The following CACNB2 variants were observed in gnomAD, a reference collection of about 807,000 sequenced individuals.
CACNB2 encodes voltage-dependent L-type calcium channel subunit beta-2.
CACNB2 carries 42 observed loss-of-function variants against 73.3 expected under a neutral mutation model. That is an observed-to-expected ratio of 0.57 (90% CI 0.45 to 0.74). The LOEUF (loss-of-function observed/expected upper bound fraction) is 0.74. CACNB2 is among the 30% of genes least tolerant of loss of function. The probability of loss-of-function intolerance (pLI) is 0.00; values close to 1 mark genes in which losing one functional copy is unlikely to be tolerated. For synonymous variants in CACNB2, 348 were observed against 310.3 expected, an observed-to-expected ratio of 1.12 and a Z score of -1.28; for missense variants, 940 against 853.0, an observed-to-expected ratio of 1.10 and a Z score of -1.27.
intron 2 of CACNB2, among the ~76,000 whole-genome samples, chr10:18,174,453 G>C (rs1564316886): frequency 6.7e-6 from 1 of 148,884 alleles, no homozygotes; most frequent in Non-Finnish European, 1.5e-5. Context: ...GCCCAGGCTG[G>C]AGTGCAATGA....
chr10:18,321,481 G>T (rs564225710), intron 2 of CACNB2, among the ~76,000 whole-genome samples: 8 of 152,306 alleles, frequency 5.3e-5, no homozygotes, highest in Admixed American at 5.2e-4. Flanking sequence ...GCACAATAGG[G>T]TGACTATAGT....
At chr10:18,536,048 T>C (rs986988986) in intron 11 of CACNB2, 53 bp from the exon 12 acceptor site, 23 of 1,072,056 alleles carry the variant, frequency 2.1e-5, no homozygotes, top group Middle Eastern at 4.0e-4. Flanking sequence ...ATGTACCTTG[T>C]ACTTTACCTG....
chr10:18,234,470 C>T (rs1223450335), intron 2 of CACNB2, among the ~76,000 whole-genome samples: 2 of 152,024 alleles, frequency 1.3e-5, no homozygotes, highest in Admixed American at 6.6e-5. Flanking sequence ...TTCACAATAG[C>T]CAAAAAGATG....
intron 3 of CACNB2, among the ~76,000 whole-genome samples, chr10:18,416,825 G>A (rs1334346109): frequency 1.3e-5 from 2 of 152,278 alleles, no homozygotes; most frequent in South Asian, 2.1e-4. Context: ...AAGTAGGGAA[G>A]TGGAAGCAGA....
intron 2 of CACNB2, among the ~76,000 whole-genome samples, chr10:18,396,410 C>G (rs1394355773): frequency 1.3e-5 from 2 of 152,212 alleles, no homozygotes; most frequent in Non-Finnish European, 2.9e-5. Flanking sequence ...CTCCCTTCCC[C>G]CACAGACAAT....
chr10:18,257,533 T>A (rs1223761512), intron 2 of CACNB2, among the ~76,000 whole-genome samples: 2 of 152,198 alleles, frequency 1.3e-5, no homozygotes, highest in Non-Finnish European at 2.9e-5. Flanking sequence ...CAATTTGTTC[T>A]GTGTATGTTC....
intron 3 of CACNB2, among the ~76,000 whole-genome samples, chr10:18,430,742 C>T (rs937868171): frequency 3.9e-5 from 6 of 152,268 alleles, no homozygotes; most frequent in South Asian, 2.1e-4. Context: ...TGATACATTC[C>T]TAAAAAGAAA....
intron 2 of CACNB2, among the ~76,000 whole-genome samples, chr10:18,160,867 G>C (rs545238991): frequency 2.4e-4 from 37 of 152,068 alleles, no homozygotes; most frequent in South Asian, 2.1e-4. Flanking sequence ...CATTTTTGAG[G>C]GTTCAGTATT....
chr10:18,408,529 G>T (rs1411655551), intron 3 of CACNB2, among the ~76,000 whole-genome samples: 2 of 152,030 alleles, frequency 1.3e-5, no homozygotes, highest in Admixed American at 6.6e-5. Flanking sequence ...ATGAGCCACT[G>T]TGCCTGGCCA....
intron 2 of CACNB2, among the ~76,000 whole-genome samples, chr10:18,302,561 T>C (rs1321823094): frequency 6.6e-6 from 1 of 152,174 alleles, no homozygotes; most frequent in African/African-American, 2.4e-5. Context: ...CTGGATGGGA[T>C]TGGATACTGT....
In CACNB2 at chr10:18,436,979, C is replaced by A. The variant is rs537490307; in HGVS notation, c.333+34936C>A. On this transcript the variant is annotated intron_variant, in intron 3 of 13. Coordinates refer to ENST00000324631, the MANE Select transcript of CACNB2 (RefSeq NM_201596.3). ...CTTTATTTTGAACAACAATGTGCTG[C>A]TTGCTGGAGATACATGGGCCTGCAT... Among the ~76,000 whole-genome samples, 23 of 152,296 alleles carry A rather than the reference C, an allele frequency of 1.5e-4. 1 individual carries two copies. The East Asian group carries it at 4.4e-3, about 29-fold the overall frequency.
chr10:18,318,985 T>C (rs143871712), intron 2 of CACNB2, among the ~76,000 whole-genome samples: 2,256 of 152,314 alleles, frequency 0.015, 78 homozygotes, highest in Admixed American at 0.077. Flanking sequence ...AGGAATGCTT[T>C]TACACTGTTG....
At chr10:18,288,735 A>T (rs1416097055) in intron 2 of CACNB2, among the ~76,000 whole-genome samples, 1 of 141,150 alleles carries the variant, frequency 7.1e-6, no homozygotes, top group African/African-American at 2.6e-5. Flanking sequence ...GAATCAAGGC[A>T]CTCTTTTATT....
chr10:18,527,056 T>C (rs1370352562), intron 9 of CACNB2, among the ~76,000 whole-genome samples: 2 of 152,216 alleles, frequency 1.3e-5, no homozygotes, highest in Non-Finnish European at 2.9e-5. Context: ...ATCTGACACT[T>C]GTAAGCAACA....
At chr10:18,336,484 T>G (rs192699202) in intron 2 of CACNB2, among the ~76,000 whole-genome samples, 8 of 152,104 alleles carry the variant, frequency 5.3e-5, no homozygotes, top group African/African-American at 1.9e-4. Flanking sequence ...CCAGGTGTAA[T>G]GGCGAGTGCC....
chr10:18,464,332 G>A (rs1287279124), intron 3 of CACNB2, among the ~76,000 whole-genome samples: 2 of 147,294 alleles, frequency 1.4e-5, no homozygotes, highest in African/African-American at 5.0e-5. Flanking sequence ...GATCACCTGA[G>A]CCTAAGGAGG....
intron 3 of CACNB2, among the ~76,000 whole-genome samples, chr10:18,422,747 A>G (rs1457300066): frequency 6.6e-6 from 1 of 152,144 alleles, no homozygotes; most frequent in African/African-American, 2.4e-5. Flanking sequence ...AGGCTGTAGT[A>G]TGAGTGCAAT....
chr10:18,463,397 C>T (rs368808670), intron 3 of CACNB2, among the ~76,000 whole-genome samples: 1 of 152,034 alleles, frequency 6.6e-6, no homozygotes, highest in South Asian at 2.1e-4. Flanking sequence ...TGTTTCTCAC[C>T]TTCCAAGACT....
intron 2 of CACNB2, among the ~76,000 whole-genome samples, chr10:18,179,576 C>T (rs7087598): frequency 0.21 from 31,638 of 150,944 alleles, 4,195 homozygotes; most frequent in Non-Finnish European, 0.29. Flanking sequence ...TTAGGATCTT[C>T]GGGTAAAGAT....
Sources: allele counts gnomAD v4.1 joint callset (sites outside exome capture counted in the v4.1 genomes callset), GRCh38; gene constraint gnomAD v4.1.1; transcripts MANE v1.5; gene names NCBI Gene and HGNC (gene_info 2026-07-23, HGNC 2026-07-21).